The following DLG2 variants were observed in gnomAD, a reference collection of about 807,000 sequenced individuals.
DLG2 encodes the protein disks large homolog 2.
In DLG2, 45 loss-of-function variants were observed where a neutral mutation model predicts 132.5. The observed-to-expected ratio is 0.34, with a 90% CI of 0.27 to 0.44. The LOEUF is 0.44. DLG2 is among the 20% of genes least tolerant of loss of function. The probability of loss-of-function intolerance (pLI) is 1.00; values close to 1 mark genes in which losing one functional copy is unlikely to be tolerated. For synonymous variants in DLG2, 424 were observed against 419.6 expected, an observed-to-expected ratio of 1.01 and a Z score of -0.13; for missense variants, 1,045 against 1,196.9, an observed-to-expected ratio of 0.87 and a Z score of 1.87.
chr11:83,633,174 T>C, intron 19 of DLG2, 37 bp downstream of exon 19: 1 of 1,589,376 alleles, frequency 6.3e-7, no homozygotes, highest in Non-Finnish European at 8.6e-7. Context: ...GTTGAATTGC[T>C]CACAAAGTGC....
chr11:84,232,733 C>T (rs1464167157), intron 8 of DLG2, among the ~76,000 whole-genome samples: 1 of 152,174 alleles, frequency 6.6e-6, no homozygotes, highest in Non-Finnish European at 1.5e-5. Context: ...TCTCAGACTT[C>T]CCAGTCAGCA....
At chr11:85,279,152 G>T (rs1399266476) in intron 4 of DLG2, among the ~76,000 whole-genome samples, 2 of 152,098 alleles carry the variant, frequency 1.3e-5, no homozygotes, top group Admixed American at 1.3e-4. Context: ...TCAAGAACTA[G>T]AATATTGGAA....
intron 6 of DLG2, among the ~76,000 whole-genome samples, chr11:84,916,451 C>T (rs1319421821): frequency 3.3e-5 from 5 of 149,830 alleles, no homozygotes; most frequent in African/African-American, 1.2e-4. Flanking sequence ...AGCTGAAAAC[C>T]CACACACCAC....
chr11:84,803,000 G>A (rs1205269406), intron 6 of DLG2, among the ~76,000 whole-genome samples: 1 of 152,010 alleles, frequency 6.6e-6, no homozygotes, highest in African/African-American at 2.4e-5. Flanking sequence ...GGGTTTCACA[G>A]TGTTAGCCAG....
intron 4 of DLG2, among the ~76,000 whole-genome samples, chr11:85,191,206 G>A (rs1393010656): frequency 2.4e-5 from 2 of 82,254 alleles, no homozygotes; most frequent in Admixed American, 1.1e-4. Flanking sequence ...ACACACACAC[G>A]TTTGGATATA....
In DLG2 at chr11:84,796,209, G is replaced by A. The variant is rs146792986; in HGVS notation, c.358-261478C>T. Reference sequence around the variant, plus strand: ...GTATGCCTGTATCAAAACATCTCTTGAATTCCATAAATATATACACTACTA... The same window carrying A: ...GTATGCCTGTATCAAAACATCTCTTAAATTCCATAAATATATACACTACTA... On this transcript the variant is annotated intron_variant, in intron 6 of 27. Transcript: ENST00000376104. 4.8e-3 allele frequency among the ~76,000 whole-genome samples: 733 copies of A among 152,166 alleles called. 6 individuals carry two copies. Among genetic ancestry groups the A allele is most frequent in the African/African-American group, 0.017 (711 of 41,524 alleles).
chr11:84,514,232 A>G (rs2099265706), intron 7 of DLG2, among the ~76,000 whole-genome samples: 1 of 151,786 alleles, frequency 6.6e-6, no homozygotes, highest in Non-Finnish European at 1.5e-5. Context: ...AACTGTTGTA[A>G]ACTGCTGTTG....
At chr11:85,293,775 C>T (rs1227455551) in intron 3 of DLG2, among the ~76,000 whole-genome samples, 1 of 152,124 alleles carries the variant, frequency 6.6e-6, no homozygotes, top group East Asian at 1.9e-4. Flanking sequence ...GTTTGGACTG[C>T]TCATTAGATA....
intron 6 of DLG2, among the ~76,000 whole-genome samples, chr11:84,797,538 T>C (rs917213297): frequency 2.0e-5 from 3 of 152,196 alleles, no homozygotes; most frequent in Non-Finnish European, 4.4e-5. Context: ...AGTATGTCAG[T>C]TGAATTTTTC....
In DLG2 at chr11:85,501,198, G is replaced by T. The variant is rs2093794010; in HGVS notation, c.40+97459C>A. 2.6e-5 allele frequency among the ~76,000 whole-genome samples: 4 copies of T among 152,114 alleles called. No homozygotes were observed. In the South Asian group the frequency reaches 8.3e-4, roughly 31 times the overall value. On this transcript the variant is annotated intron_variant, in intron 3 of 27. Transcript: ENST00000376104. ...ATTCCCTATTTAATAAATGGTGCTG[G>T]GAAAACTGGCTAGCCATATGCAGAA... is the stretch of plus-strand genomic sequence containing the variant.
chr11:85,623,861 A>G (rs2081893986), intron 2 of DLG2, among the ~76,000 whole-genome samples: 1 of 152,224 alleles, frequency 6.6e-6, no homozygotes, highest in South Asian at 2.1e-4. Context: ...TATCAGATCA[A>G]TTCAAGAAGA....
Position 84,926,995 on chromosome 11 carries a change from C to T in DLG2, c.357+184666G>A, listed in dbSNP as rs533172650. On this transcript the variant is annotated intron_variant, in intron 6 of 27. Coordinates refer to ENST00000376104, the MANE Select transcript of DLG2 (RefSeq NM_001142699.3). ...AAATACAAGCCAACTACCTTGATTC[C>T]CAAAAGGAAAAAGTGACTATCAAGA... Among the ~76,000 whole-genome samples the T allele has an allele frequency of 3.3e-5, 5 of 151,858 alleles. No individual in the cohort carries two copies. In the South Asian group the frequency reaches 1.0e-3, roughly 32 times the overall value.
In DLG2 at chr11:85,535,583, C is replaced by T. The variant is rs540384634; in HGVS notation, c.40+63074G>A. 1.4e-4 allele frequency among the ~76,000 whole-genome samples: 22 copies of T among 152,168 alleles called. No homozygotes were observed. In the South Asian group the frequency reaches 4.6e-3, roughly 32 times the overall value. The stretch of plus-strand genomic sequence containing the variant: ...CATTGAAAAACAGTTTGGCAGTTCT[C>T]AAGAAGTTAAACAGAGTTACCATAT... On this transcript the variant is annotated intron_variant, in intron 3 of 27. Transcript: ENST00000376104.
chr11:84,404,067 T>C (rs913292665), intron 7 of DLG2, among the ~76,000 whole-genome samples: 54 of 152,282 alleles, frequency 3.5e-4, no homozygotes, highest in African/African-American at 1.2e-3. Context: ...TTTCAAATTG[T>C]ATTATTGCTT....
At chr11:85,129,428 A>T (rs1363404723) in intron 5 of DLG2, among the ~76,000 whole-genome samples, 1 of 152,250 alleles carries the variant, frequency 6.6e-6, no homozygotes, top group East Asian at 1.9e-4. Context: ...CACAAAATCC[A>T]CAATCATTTC....
At chr11:85,540,272 C>G (rs1294656042) in intron 3 of DLG2, among the ~76,000 whole-genome samples, 1 of 152,186 alleles carries the variant, frequency 6.6e-6, no homozygotes, top group Non-Finnish European at 1.5e-5. Context: ...CACATCCCCC[C>G]ATCCTGTGCC....
At chr11:84,698,388 T>G (rs2058843334) in intron 6 of DLG2, among the ~76,000 whole-genome samples, 1 of 151,520 alleles carries the variant, frequency 6.6e-6, no homozygotes. Flanking sequence ...TATATTAAAT[T>G]GAGTCAACAA....
At chr11:84,476,831 G>A (rs2099122913) in intron 7 of DLG2, among the ~76,000 whole-genome samples, 2 of 152,258 alleles carry the variant, frequency 1.3e-5, no homozygotes, top group Admixed American at 1.3e-4. Flanking sequence ...GATGATTCCA[G>A]CCTCTTTGTG....
chr11:85,218,144 T>C (rs2082739388), intron 4 of DLG2, among the ~76,000 whole-genome samples: 2 of 152,338 alleles, frequency 1.3e-5, no homozygotes, highest in South Asian at 4.1e-4. Context: ...GCTCTACGTG[T>C]CTGTTTTTGT....
Sources: gnomAD v4.1 joint callset for allele counts (sites outside exome capture counted in the v4.1 genomes callset) on GRCh38, gnomAD v4.1.1 for gene constraint, MANE v1.5 for transcripts, NCBI Gene and HGNC (gene_info 2026-07-23, HGNC 2026-07-21) for gene names.